Variants in TBC1D16 observed in about 807,000 individuals in gnomAD.
TBC1D16 encodes the protein CTD-2529O21.1.
A neutral mutation model predicts 74.7 loss-of-function variants in TBC1D16; 58 were observed. That is an observed-to-expected ratio of 0.78 (90% CI 0.63 to 0.97). TBC1D16 has a LOEUF of 0.97. TBC1D16 is among the 50% of genes least tolerant of loss of function. TBC1D16 has a pLI of 0.00. For synonymous variants in TBC1D16, 493 were observed against 474.7 expected (o/e 1.04, Z -0.50); for missense variants, 1,014 against 1,079.5 (o/e 0.94, Z 0.85).
Position 79,983,055 on chromosome 17 carries a change from C to G in TBC1D16, c.779+27105G>C, listed in dbSNP as rs571231008. 4.6e-5 allele frequency among the ~76,000 whole-genome samples: 7 copies of G among 152,316 alleles called. No homozygotes were observed. Among genetic ancestry groups the G allele is most frequent in the Admixed American group, 4.6e-4 (7 of 15,304 alleles). On this transcript the variant is annotated intron_variant, in intron 3 of 11. Transcript: ENST00000310924. The surrounding 1 kb of genome is among the most constrained non-coding windows in gnomAD (Gnocchi z 5.6). The stretch of plus-strand genomic sequence containing the variant: ...CGCATCCACCCCGAGCCTCTGTGTG[C>G]AGAGCTCCAAGCACAGACGTGTTCA...
chr17:79,984,397 C>T (rs2034726737), intron 3 of TBC1D16, among the ~76,000 whole-genome samples: 1 of 151,856 alleles, frequency 6.6e-6, no homozygotes, highest in South Asian at 2.1e-4. Flanking sequence ...GCATCGGAAG[C>T]AAAAATAAAA....
At chr17:80,031,870 G>A (rs2036787743) in intron 1 of TBC1D16, among the ~76,000 whole-genome samples, 2 of 152,176 alleles carry the variant, frequency 1.3e-5, no homozygotes, top group African/African-American at 4.8e-5. Flanking sequence ...TAAACATGGA[G>A]GCCTAAAGCT....
chr17:80,034,696 T>C (rs941886391), intron 1 of TBC1D16, among the ~76,000 whole-genome samples: 1 of 152,266 alleles, frequency 6.6e-6, no homozygotes, highest in Non-Finnish European at 1.5e-5. Flanking sequence ...TAAAAGTGTT[T>C]AGTATTCACC....
Position 79,934,991 on chromosome 17 carries a change from C to T in TBC1D16, c.*5868G>A, listed in dbSNP as rs892141092. ...ATGGGCCAAACCGCCTTTGCCCATC[C>T]CTCCCCTGACCCCTGCTGCACGGTT... On this transcript the variant is annotated 3_prime_UTR_variant, in exon 12 of 12. Transcript: ENST00000310924. 3 of 152,326 alleles carry T rather than the reference C, an allele frequency of 2.0e-5. No homozygotes were observed. Among genetic ancestry groups the T allele is most frequent in the South Asian group, 2.1e-4 (1 of 4,832 alleles). 9.4% of individuals were successfully genotyped at this position (152,326 alleles called of 1,614,324 possible). A position where few individuals can be genotyped will look rare whatever the true frequency, so the allele number is the denominator to read the frequency against.
At position 79,940,568 on chromosome 17, in the gene TBC1D16, G is replaced by T; in HGVS notation, c.*291C>A. 1 of 305,654 alleles carries T rather than the reference G, an allele frequency of 3.3e-6. No homozygotes were observed. Among genetic ancestry groups the T allele is most frequent in the Non-Finnish European group, 6.0e-6 (1 of 166,148 alleles). The allele number at this position is 305,654 out of a possible 1,614,324, so 18.9% of individuals were successfully genotyped here. A position where few individuals can be genotyped will look rare whatever the true frequency, so the allele number is the denominator to read the frequency against. ...TCCTGGGACATGTTGAAATCCTCCA[G>T]GGCAGCCAGCAGGAGAGCCCAGCCA... is the stretch of plus-strand genomic sequence containing the variant. On this transcript the variant is annotated 3_prime_UTR_variant, in exon 12 of 12. Coordinates refer to ENST00000310924, the MANE Select transcript of TBC1D16 (RefSeq NM_019020.4). The surrounding 1 kb of genome is among the most constrained non-coding windows in gnomAD (Gnocchi z 5.4).
chr17:80,009,183 C>A lies in TBC1D16; in HGVS notation c.779+977G>T, dbSNP rs1244072356. Among the ~76,000 whole-genome samples, 3 of 152,390 alleles carry A rather than the reference C, an allele frequency of 2.0e-5. No individual in the cohort carries two copies. The highest frequency in any genetic ancestry group is 7.2e-5 in the African/African-American group (3 of 41,598). On this transcript the variant is annotated intron_variant, in intron 3 of 11. Coordinates refer to ENST00000310924, the MANE Select transcript of TBC1D16 (RefSeq NM_019020.4). This position sits in a 1 kb window ranked among gnomAD's most constrained non-coding sequence, Gnocchi z 5.4. ...CCACGTCCAGCATGCGCCCGGCTCA[C>A]ACCACGAGCTCAACAGTTAATGACC...
Position 79,963,887 on chromosome 17 carries a change from A to G in TBC1D16, c.780-11069T>C, listed in dbSNP as rs146070537. Among the ~76,000 whole-genome samples the G allele has an allele frequency of 8.3e-3, 1,264 of 152,254 alleles. 23 individuals carry two copies. Among genetic ancestry groups the G allele is most frequent in the South Asian group, 0.047 (227 of 4,820 alleles). On this transcript the variant is annotated intron_variant, in intron 3 of 11. Coordinates refer to ENST00000310924, the MANE Select transcript of TBC1D16 (RefSeq NM_019020.4). The stretch of plus-strand genomic sequence containing the variant: ...GCATTCGTGTCTCTTCTTTGGAGAC[A>G]CGTCTTTTCAAATCCTTTGACCATT...
intron 8 of TBC1D16, 134 bp from the exon 9 acceptor site, chr17:79,947,965 C>T: frequency 1.4e-6 from 1 of 705,502 alleles, no homozygotes; most frequent in Non-Finnish European, 2.3e-6. Context: ...GCTGTGCCAC[C>T]ATCTCAGAGC....
Position 79,981,884 on chromosome 17 carries a change from G to A in TBC1D16, c.779+28276C>T, listed in dbSNP as rs891497273. Among the ~76,000 whole-genome samples, 6 of 152,244 alleles carry A rather than the reference G, an allele frequency of 3.9e-5. No homozygotes were observed. The highest frequency in any genetic ancestry group is 1.3e-4 in the Admixed American group (2 of 15,286). ...AGGGCGCGCCAGGGAACAGCAGGAC[G>A]CGGCCCTCCGGGGCTTCCCTGTGCG... On this transcript the variant is annotated intron_variant, in intron 3 of 11. Coordinates refer to ENST00000310924, the MANE Select transcript of TBC1D16 (RefSeq NM_019020.4). This position sits in a 1 kb window ranked among gnomAD's most constrained non-coding sequence, Gnocchi z 6.9.
chr17:80,010,536 T>C lies in TBC1D16; in HGVS notation c.403A>G (p.Thr135Ala), dbSNP rs1219317908. Residue 135 changes from threonine to alanine, a missense_variant, in exon 3 of 12, where the codon ACC becomes GCC. Thr to Ala is a moderately conservative substitution (Grantham distance 58). Transcript: ENST00000310924. This position sits in a 1 kb window ranked among gnomAD's most constrained non-coding sequence, Gnocchi z 8.8. ...ACCAGGATGTCCTCATCTTTGGGGG[T>C]CAGGGTAGGCCGCAGCTCCGTCGGG... ...PSPTELRPTL[T>A]PKDEDILVVA... The C allele has an allele frequency of 6.2e-7, 1 of 1,610,480 alleles. No individual in the cohort carries two copies. Among genetic ancestry groups the C allele is most frequent in the East Asian group, 2.2e-5 (1 of 44,720 alleles).
At chr17:79,962,983 G>A (rs537408669) in intron 3 of TBC1D16, among the ~76,000 whole-genome samples, 1 of 151,738 alleles carries the variant, frequency 6.6e-6, no homozygotes, top group African/African-American at 2.4e-5. Flanking sequence ...CCAGGAGGCA[G>A]AGGTTGCAGT....
rs1237102182 is a variant in TBC1D16, at chr17:79,944,136, T to C, written c.1908+772A>G. ...CGGTGTGAGTGAGGACAGGAGACGCTGACGCAAATGTCTTCCAGCAGATGG... is the reference window on the plus strand; with the variant it reads ...CGGTGTGAGTGAGGACAGGAGACGCCGACGCAAATGTCTTCCAGCAGATGG... On this transcript the variant is annotated intron_variant, in intron 10 of 11. Transcript: ENST00000310924. The surrounding 1 kb of genome is among the most constrained non-coding windows in gnomAD (Gnocchi z 7.7). 1.3e-6 allele frequency: 2 copies of C among 1,535,850 alleles called. No homozygotes were observed. The highest frequency in any genetic ancestry group is 2.7e-5 in the African/African-American group (2 of 73,052).
intron 1 of TBC1D16, among the ~76,000 whole-genome samples, chr17:80,026,723 G>A (rs1190178354): frequency 1.3e-5 from 2 of 149,986 alleles, no homozygotes; most frequent in East Asian, 3.9e-4. Flanking sequence ...AATGGCCCTT[G>A]CCCACAGCAG....
At chr17:80,026,406 CAG>C (rs2036583913) in intron 1 of TBC1D16, among the ~76,000 whole-genome samples, 1 of 149,944 alleles carries the variant, frequency 6.7e-6, no homozygotes. Context: ...GCCTGGGTGA[CAG>C]AGGGAGACTC....
intron 3 of TBC1D16, among the ~76,000 whole-genome samples, chr17:79,965,992 CA>C (rs1188984160): frequency 6.6e-6 from 1 of 152,200 alleles, no homozygotes; most frequent in Non-Finnish European, 1.5e-5. Context: ...TGGCTTAAAG[CA>C]ACACGAATGT....
rs1304381871 is a variant in TBC1D16 at position 79,988,209 on chromosome 17, C to T, written c.779+21951G>A. Reference sequence around the variant, plus strand: ...CTGACGCCTACCTGGGAGGTGCTTGCCTGGCCACCAGCCAGGGCCGTGGCT... The same window carrying T: ...CTGACGCCTACCTGGGAGGTGCTTGTCTGGCCACCAGCCAGGGCCGTGGCT... On this transcript the variant is annotated intron_variant, in intron 3 of 11. Transcript: ENST00000310924. This position sits in a 1 kb window ranked among gnomAD's most constrained non-coding sequence, Gnocchi z 5.7. 6.6e-6 allele frequency among the ~76,000 whole-genome samples: 1 copy of T among 152,204 alleles called. No homozygotes were observed. Among genetic ancestry groups the T allele is most frequent in the African/African-American group, 2.4e-5 (1 of 41,456 alleles).
rs955315359 is a variant in TBC1D16 at position 79,941,206 on chromosome 17, G to A, written c.2056-99C>T. 5.7e-6 allele frequency: 7 copies of A among 1,217,762 alleles called. No homozygotes were observed. In the East Asian group the frequency reaches 7.8e-5, roughly 14 times the overall value. 75.4% of individuals were successfully genotyped at this position (1,217,762 alleles called of 1,614,324 possible). ...CAAAGACAGCAACAGCAGCAACAAC[G>A]GCCTGCACCTCGGGGGCTCACCGAG... On this transcript the variant is annotated intron_variant, in intron 11 of 11. Coordinates refer to ENST00000310924, the MANE Select transcript of TBC1D16 (RefSeq NM_019020.4). The surrounding 1 kb of genome is among the most constrained non-coding windows in gnomAD (Gnocchi z 4.3).
chr17:79,949,174 G>A (rs2032825253), intron 7 of TBC1D16, among the ~76,000 whole-genome samples, 168 bp from the exon 8 acceptor site: 1 of 152,262 alleles, frequency 6.6e-6, no homozygotes, highest in Non-Finnish European at 1.5e-5. Context: ...GATGGGTGGC[G>A]TGTATCCAAG....
rs1452959323 is a variant in TBC1D16 at position 79,990,662 on chromosome 17, C to T, written c.779+19498G>A. 6.6e-6 allele frequency among the ~76,000 whole-genome samples: 1 copy of T among 152,192 alleles called. No homozygotes were observed. Among genetic ancestry groups the T allele is most frequent in the African/African-American group, 2.4e-5 (1 of 41,440 alleles). The stretch of plus-strand genomic sequence containing the variant: ...CGAGCCCAGTGGCATTATACCATTC[C>T]TATTTTTGTGCAACCATGACACCAC... On this transcript the variant is annotated intron_variant, in intron 3 of 11. Coordinates refer to ENST00000310924, the MANE Select transcript of TBC1D16 (RefSeq NM_019020.4). The surrounding 1 kb of genome is among the most constrained non-coding windows in gnomAD (Gnocchi z 4.8).
Sources: allele counts gnomAD v4.1 joint callset (sites outside exome capture counted in the v4.1 genomes callset), GRCh38; gene constraint gnomAD v4.1.1; non-coding constraint Gnocchi (gnomAD v3.1); transcripts MANE v1.5; gene names NCBI Gene and HGNC (gene_info 2026-07-23, HGNC 2026-07-21).